The following TENM2 variants were observed in gnomAD, a reference collection of about 807,000 sequenced individuals.
TENM2 encodes the protein teneurin-2.
TENM2 carries 52 observed loss-of-function variants against 245.2 expected under a neutral mutation model. The observed-to-expected ratio is 0.21, with a 90% CI of 0.17 to 0.27. The LOEUF (loss-of-function observed/expected upper bound fraction) is 0.27. Ranked by LOEUF, TENM2 falls within the 10% of genes least tolerant of loss-of-function variation. TENM2 has a pLI of 1.00. For synonymous variants in TENM2, 1,363 were observed against 1,438.9 expected, an observed-to-expected ratio of 0.95 and a Z score of 1.19; for missense variants, 3,046 against 3,666.8, an observed-to-expected ratio of 0.83 and a Z score of 4.37.
At chr5:167,676,795 G>T (rs2150364538) in intron 2 of TENM2, among the ~76,000 whole-genome samples, 1 of 152,190 alleles carries the variant, frequency 6.6e-6, no homozygotes, top group Middle Eastern at 3.4e-3. Context: ...ATGCTTCCTA[G>T]AATTAAACAC....
At chr5:167,426,028 C>G (rs1242414715) in intron 2 of TENM2, among the ~76,000 whole-genome samples, 2 of 152,044 alleles carry the variant, frequency 1.3e-5, no homozygotes, top group Non-Finnish European at 2.9e-5. Flanking sequence ...TTCTCATAAC[C>G]TGCCACCCTC....
intron 2 of TENM2, among the ~76,000 whole-genome samples, chr5:167,457,754 A>T (rs964172694): frequency 1.3e-5 from 2 of 152,240 alleles, no homozygotes; most frequent in Non-Finnish European, 2.9e-5. Context: ...AATCTATTTT[A>T]TACCATACAC....
chr5:167,182,974 C>T, the TENM2 span, among the ~76,000 whole-genome samples: 5 of 152,014 alleles, frequency 3.3e-5, no homozygotes, highest in Admixed American at 3.3e-4. Flanking sequence ...TTAAAGTGTT[C>T]CACTGTTTCT....
intron 2 of TENM2, among the ~76,000 whole-genome samples, chr5:167,718,675 G>A (rs1759425035): frequency 6.6e-6 from 1 of 152,158 alleles, no homozygotes; most frequent in Non-Finnish European, 1.5e-5. Flanking sequence ...TCATATTATA[G>A]ATCGGGATTC....
intron 2 of TENM2, among the ~76,000 whole-genome samples, chr5:167,485,476 A>G (rs1282130885): frequency 2.0e-5 from 3 of 152,232 alleles, no homozygotes; most frequent in Non-Finnish European, 4.4e-5. Flanking sequence ...AGCAACTGCT[A>G]AATAAAGCCA....
chr5:167,758,709 G>C (rs1762467584), intron 2 of TENM2, among the ~76,000 whole-genome samples: 1 of 151,864 alleles, frequency 6.6e-6, no homozygotes, highest in South Asian at 2.1e-4. Context: ...TAGGACTCTG[G>C]TTCTGTAAGT....
chr5:167,931,551 G>GATA, intron 3 of TENM2, among the ~76,000 whole-genome samples: 3 of 110,340 alleles, frequency 2.7e-5, no homozygotes, highest in Admixed American at 8.9e-5. Flanking sequence ...AAACCCATTG[G>GATA]AAAAAAAAAA....
At chr5:167,876,304 G>T (rs1773421609) in intron 3 of TENM2, 109 bp downstream of exon 5, 3 of 903,160 alleles carry the variant, frequency 3.3e-6, no homozygotes, top group African/African-American at 1.6e-5. Context: ...GTGGTGTGGG[G>T]AGCATCAGGG....
chr5:167,747,774 G>T (rs1443785093), intron 2 of TENM2, among the ~76,000 whole-genome samples: 3 of 152,078 alleles, frequency 2.0e-5, no homozygotes, highest in Non-Finnish European at 2.9e-5. Flanking sequence ...TCATGAATTA[G>T]GACACAACAG....
chr5:167,867,050 G>T (rs1772384498), intron 2 of TENM2, among the ~76,000 whole-genome samples: 1 of 152,178 alleles, frequency 6.6e-6, no homozygotes, highest in Admixed American at 6.5e-5. Flanking sequence ...CCTTTGAGAG[G>T]ATCTGGGAGG....
chr5:167,671,579 C>A (rs1385439991), intron 2 of TENM2, among the ~76,000 whole-genome samples: 3 of 151,896 alleles, frequency 2.0e-5, no homozygotes, highest in East Asian at 1.9e-4. Flanking sequence ...CAGACTTATA[C>A]AAATAAATAT....
At chr5:168,226,373 G>A (rs571162304) in intron 24 of TENM2, 110 bp downstream of exon 26, 38 of 912,380 alleles carry the variant, frequency 4.2e-5, no homozygotes, top group Middle Eastern at 2.3e-4. Flanking sequence ...GAGACCCAGC[G>A]TACCCCTAGC....
At chr5:167,309,117 T>C (rs1199607342) in intron 1 of TENM2, among the ~76,000 whole-genome samples, 1 of 152,156 alleles carries the variant, frequency 6.6e-6, no homozygotes. Context: ...CAAATCACCT[T>C]CCTATAGAAT....
chr5:167,912,602 A>G lies in TENM2; in HGVS notation c.712+36407A>G, dbSNP rs1776634422. ...CTTTTGCACGTTGCTTTTGCAGACA[A>G]TGAGCTCCTGAAGGGAAGGGCACAA... On this transcript the variant is annotated intron_variant, in intron 3 of 28. Coordinates refer to ENST00000518659, the Ensembl canonical transcript of TENM2. Among the ~76,000 whole-genome samples, 4 of 152,126 alleles carry G rather than the reference A, an allele frequency of 2.6e-5. 1 individual carries two copies. The South Asian group carries it at 6.2e-4, about 24-fold the overall frequency.
the TENM2 span, among the ~76,000 whole-genome samples, chr5:167,200,194 T>C: frequency 6.6e-6 from 1 of 152,122 alleles, no homozygotes; most frequent in Admixed American, 6.6e-5. Flanking sequence ...AGACAAAGCA[T>C]TTAATTTGAA....
rs1447739703 is a variant in TENM2, at chr5:167,460,263, G to A, written c.502+84790G>A. Among the ~76,000 whole-genome samples, 6 of 152,080 alleles carry A rather than the reference G, an allele frequency of 3.9e-5. No homozygotes were observed. In the East Asian group the frequency reaches 9.7e-4, roughly 24 times the overall value. On this transcript the variant is annotated intron_variant, in intron 2 of 28. Transcript: ENST00000518659. The stretch of plus-strand genomic sequence containing the variant: ...AATGTTTGTAATACATTATGTTTAT[G>A]ATATCTTAAATGTATAGCATTATGT...
intron 3 of TENM2, among the ~76,000 whole-genome samples, chr5:167,912,977 G>A (rs988408282): frequency 3.3e-5 from 5 of 152,090 alleles, no homozygotes; most frequent in Admixed American, 2.0e-4. Context: ...CAGCAAGAAA[G>A]GTTCAGGCAG....
At chr5:168,070,793 A>AAGAAAG (rs984424407) in intron 7 of TENM2, among the ~76,000 whole-genome samples, 19 of 89,416 alleles carry the variant, frequency 2.1e-4, no homozygotes, top group African/African-American at 7.6e-4. Flanking sequence ...GAAAGAAAGA[A>AAGAAAG]AGAGAGAGAG....
intron 12 of TENM2, among the ~76,000 whole-genome samples, chr5:168,158,150 G>A (rs575444340): frequency 7.9e-5 from 12 of 152,098 alleles, no homozygotes; most frequent in African/African-American, 2.4e-4. Context: ...CTCGAACTCC[G>A]GACTTCAGGT....
Sources: gnomAD v4.1 joint callset for allele counts (sites outside exome capture counted in the v4.1 genomes callset) on GRCh38, gnomAD v4.1.1 for gene constraint, MANE v1.5 for transcripts, NCBI Gene and HGNC (gene_info 2026-07-23, HGNC 2026-07-21) for gene names.